RAB3B: variants seen among roughly 807,000 people sequenced by gnomAD.
RAB3B encodes the protein ras-related protein Rab-3B.
A neutral mutation model predicts 20.5 loss-of-function variants in RAB3B; 11 were observed. That is an observed-to-expected ratio of 0.54 (90% CI 0.34 to 0.89). The LOEUF is 0.89. Ranked by LOEUF, RAB3B falls within the 40% of genes least tolerant of loss-of-function variation. The pLI is 0.02. For missense variants in RAB3B, 225 were observed against 280.9 expected (o/e 0.80, Z 1.42); for synonymous variants, 99 against 106.3 (o/e 0.93, Z 0.42).
chr1:51,937,779 G>A (rs1684427586), intron 2 of RAB3B, among the ~76,000 whole-genome samples: 1 of 152,082 alleles, frequency 6.6e-6, no homozygotes, highest in African/African-American at 2.4e-5. Flanking sequence ...TTACAGGAGT[G>A]AGCCACCGCG....
Position 51,915,985 on chromosome 1 carries a change from C to T in RAB3B, c.*3942G>A, listed in dbSNP as rs1237713534. The stretch of plus-strand genomic sequence containing the variant: ...GGGATTACAGGCATGAGCTGCTGCG[C>T]CCAGCCAGAAGTCAAGAGTTTTTAA... On this transcript the variant is annotated 3_prime_UTR_variant, in exon 5 of 5. Transcript: ENST00000371655. 1.3e-5 allele frequency: 2 copies of T among 152,308 alleles called. No individual in the cohort carries two copies. Among genetic ancestry groups the T allele is most frequent in the Admixed American group, 6.5e-5 (1 of 15,274 alleles). 9.4% of individuals were successfully genotyped at this position (152,308 alleles called of 1,614,324 possible). A position where few individuals can be genotyped will look rare whatever the true frequency, so the allele number is the denominator to read the frequency against.
At chr1:51,951,437 T>C (rs1684639412) in intron 2 of RAB3B, among the ~76,000 whole-genome samples, 1 of 152,190 alleles carries the variant, frequency 6.6e-6, no homozygotes, top group Non-Finnish European at 1.5e-5. Context: ...ATTTTTAGGC[T>C]CAACCAGGAC....
intron 4 of RAB3B, among the ~76,000 whole-genome samples, chr1:51,932,320 A>G (rs1233491775): frequency 6.6e-6 from 1 of 152,230 alleles, no homozygotes; most frequent in African/African-American, 2.4e-5. Flanking sequence ...ACTGTCTAAA[A>G]GCTAAGCAGT....
intron 2 of RAB3B, among the ~76,000 whole-genome samples, chr1:51,938,158 G>A (rs1684437872): frequency 1.3e-5 from 2 of 151,656 alleles, no homozygotes; most frequent in South Asian, 4.2e-4. Context: ...GTGCCACTGT[G>A]CCCAGCCCCT....
intron 1 of RAB3B, among the ~76,000 whole-genome samples, chr1:51,978,372 T>C (rs1286433040): frequency 1.3e-5 from 2 of 152,228 alleles, no homozygotes; most frequent in Non-Finnish European, 2.9e-5. Flanking sequence ...GAGATAACAA[T>C]GGATGAAACC....
chr1:51,934,022 G>C (rs2124250768), intron 3 of RAB3B, among the ~76,000 whole-genome samples: 1 of 152,222 alleles, frequency 6.6e-6, no homozygotes, highest in East Asian at 1.9e-4. Context: ...TACCATATCT[G>C]GCCATCCCTC....
rs1301170635 is a variant in RAB3B at position 51,913,118 on chromosome 1, T to TA, written c.*6808dup. On this transcript the variant is annotated 3_prime_UTR_variant, in exon 5 of 5. Transcript: ENST00000371655. Reference sequence around the variant, plus strand: ...CTGGCCAGGAACTTCCGGTAGGAATTACAACCATTATCTACGGTGAATCCT... The same window carrying TA: ...CTGGCCAGGAACTTCCGGTAGGAATTAACAACCATTATCTACGGTGAATCCT... The TA allele has an allele frequency of 6.6e-6, 1 of 152,192 alleles. No individual in the cohort carries two copies. The highest frequency in any genetic ancestry group is 2.4e-5 in the African/African-American group (1 of 41,458). 9.4% of individuals were successfully genotyped at this position (152,192 alleles called of 1,614,324 possible).
At chr1:51,921,952 C>A (rs984909812) in intron 4 of RAB3B, among the ~76,000 whole-genome samples, 1 of 152,214 alleles carries the variant, frequency 6.6e-6, no homozygotes, top group Non-Finnish European at 1.5e-5. Flanking sequence ...CTTTTCCCAG[C>A]CTTTTGGCTG....
At chr1:51,927,435 T>G (rs1027843902) in intron 4 of RAB3B, among the ~76,000 whole-genome samples, 1 of 152,218 alleles carries the variant, frequency 6.6e-6, no homozygotes, top group Non-Finnish European at 1.5e-5. Context: ...ATTCCTAGTC[T>G]GGGCGTGCTT....
At chr1:51,946,576 C>T (rs188928396) in intron 2 of RAB3B, among the ~76,000 whole-genome samples, 99 of 152,276 alleles carry the variant, frequency 6.5e-4, no homozygotes, top group African/African-American at 2.3e-3. Flanking sequence ...AGAACAGACA[C>T]GAGAGTGAGC....
At chr1:51,939,121 A>G (rs1684454189) in intron 2 of RAB3B, among the ~76,000 whole-genome samples, 1 of 152,240 alleles carries the variant, frequency 6.6e-6, no homozygotes, top group South Asian at 2.1e-4. Flanking sequence ...CAAAGACAAG[A>G]CCAACAGCAA....
intron 2 of RAB3B, among the ~76,000 whole-genome samples, chr1:51,957,958 A>G (rs953415204): frequency 6.6e-6 from 1 of 152,188 alleles, no homozygotes; most frequent in African/African-American, 2.4e-5. Context: ...TCCTCACAAA[A>G]TGGCACCTCG....
chr1:51,982,521 G>A (rs2124318602), intron 1 of RAB3B, among the ~76,000 whole-genome samples: 1 of 152,294 alleles, frequency 6.6e-6, no homozygotes, highest in Non-Finnish European at 1.5e-5. Context: ...GGGAGGCCGA[G>A]GCAGGCAGAT....
chr1:51,982,771 T>A (rs995342926), intron 1 of RAB3B, among the ~76,000 whole-genome samples: 13 of 151,372 alleles, frequency 8.6e-5, no homozygotes, highest in South Asian at 4.2e-4. Context: ...ATAATAATAA[T>A]AAATAAAAAA....
At chr1:51,949,483 G>A (rs973079693) in intron 2 of RAB3B, among the ~76,000 whole-genome samples, 2 of 152,326 alleles carry the variant, frequency 1.3e-5, no homozygotes, top group Admixed American at 6.5e-5. Context: ...CACTGCAACC[G>A]CACCTTCGGC....
At chr1:51,933,170 T>C in intron 4 of RAB3B, 148 bp downstream of exon 4, 4 of 810,222 alleles carry the variant, frequency 4.9e-6, no homozygotes, top group Non-Finnish European at 3.7e-6. Flanking sequence ...CATACAAATA[T>C]AAAACAATAC....
intron 2 of RAB3B, among the ~76,000 whole-genome samples, chr1:51,954,091 T>A (rs1284668032): frequency 1.3e-5 from 2 of 152,150 alleles, no homozygotes; most frequent in Non-Finnish European, 2.9e-5. Flanking sequence ...TAGTTGAATG[T>A]CAAACAATGG....
rs1684099798 is a variant in RAB3B, at chr1:51,917,304, G to A, written c.*2623C>T. ...GTTTGTTTGGTGGATCAACTGAAAT[G>A]GTGAAGGTGAAAAAAAAGAGACACC... On this transcript the variant is annotated 3_prime_UTR_variant, in exon 5 of 5. Coordinates refer to ENST00000371655, the MANE Select transcript of RAB3B (RefSeq NM_002867.4). The A allele has an allele frequency of 6.6e-6, 1 of 152,000 alleles. No homozygotes were observed. The highest frequency in any genetic ancestry group is 1.5e-5 in the Non-Finnish European group (1 of 68,000). 9.4% of individuals were successfully genotyped at this position (152,000 alleles called of 1,614,324 possible). A position where few individuals can be genotyped will look rare whatever the true frequency, so the allele number is the denominator to read the frequency against.
chr1:51,985,701 T>G (rs1050113394), intron 1 of RAB3B, among the ~76,000 whole-genome samples: 1 of 152,202 alleles, frequency 6.6e-6, no homozygotes, highest in Non-Finnish European at 1.5e-5. Flanking sequence ...TACACTGTGC[T>G]GAGAAAAATA....
Sources: allele counts gnomAD v4.1 joint callset (sites outside exome capture counted in the v4.1 genomes callset), GRCh38; gene constraint gnomAD v4.1.1; transcripts MANE v1.5; gene names NCBI Gene and HGNC (gene_info 2026-07-23, HGNC 2026-07-21).